The following IPCEF1 variants were observed in gnomAD, a reference collection of about 807,000 sequenced individuals.
The protein encoded by IPCEF1 is interaction protein for cytohesin exchange factors 1.
Under a neutral mutation model 50.9 loss-of-function variants are expected in IPCEF1, and 31 were observed. The observed-to-expected ratio is 0.61, with a 90% confidence interval of 0.46 to 0.82. The LOEUF is 0.82. Ranked by LOEUF, IPCEF1 falls within the 40% of genes least tolerant of loss-of-function variation. IPCEF1 has a pLI of 0.00. For synonymous variants in IPCEF1, 181 were observed against 192.0 expected, an observed-to-expected ratio of 0.94 and a Z score of 0.47; for missense variants, 458 against 514.0, an observed-to-expected ratio of 0.89 and a Z score of 1.05.
chr6:154,174,744 T>C (rs1385202532), intron 10 of IPCEF1, among the ~76,000 whole-genome samples: 1 of 152,072 alleles, frequency 6.6e-6, no homozygotes, highest in East Asian at 1.9e-4. Flanking sequence ...CACCCCACTG[T>C]CAATATTAGA....
chr6:154,303,248 C>T (rs1583967392), intron 1 of IPCEF1, among the ~76,000 whole-genome samples: 1 of 152,030 alleles, frequency 6.6e-6, no homozygotes, highest in Non-Finnish European at 1.5e-5. Flanking sequence ...CATACCACCA[C>T]GCCCGGGTAA....
intron 1 of IPCEF1, among the ~76,000 whole-genome samples, chr6:154,307,071 T>C (rs1255810809): frequency 2.6e-5 from 4 of 152,126 alleles, no homozygotes; most frequent in East Asian, 3.9e-4. Context: ...TTAGGGCCCA[T>C]ACTAATGACC....
intron 6 of IPCEF1, among the ~76,000 whole-genome samples, chr6:154,222,552 A>G (rs1362383159): frequency 6.6e-6 from 1 of 152,248 alleles, no homozygotes; most frequent in Admixed American, 6.5e-5. Flanking sequence ...ATGAGAGTCT[A>G]TAGATACCTG....
intron 1 of IPCEF1, among the ~76,000 whole-genome samples, chr6:154,353,790 T>C (rs865783481): frequency 1.8e-4 from 28 of 152,368 alleles, no homozygotes; most frequent in Non-Finnish European, 1.0e-4. Context: ...TTTTACATAG[T>C]TGAAAAAGTT....
intron 5 of IPCEF1, among the ~76,000 whole-genome samples, chr6:154,231,750 A>C (rs1276469358): frequency 6.6e-6 from 1 of 152,262 alleles, no homozygotes; most frequent in East Asian, 1.9e-4. Flanking sequence ...AAGAGGATAG[A>C]GAACAGAGAT....
At chr6:154,347,384 A>G (rs1459150200) in intron 1 of IPCEF1, among the ~76,000 whole-genome samples, 1 of 152,192 alleles carries the variant, frequency 6.6e-6, no homozygotes, top group Non-Finnish European at 1.5e-5. Context: ...AGTTCCCTGA[A>G]CCTGTGTTTT....
intron 6 of IPCEF1, 103 bp downstream of exon 6, chr6:154,223,067 G>C: frequency 1.1e-6 from 1 of 895,268 alleles, no homozygotes; most frequent in South Asian, 1.4e-5. Context: ...CAGACATTCC[G>C]ATGTTACCTT....
chr6:154,355,533 G>A (rs1046301527), intron 1 of IPCEF1, among the ~76,000 whole-genome samples: 1 of 149,938 alleles, frequency 6.7e-6, no homozygotes, highest in African/African-American at 2.5e-5. Context: ...CTGTCACCCA[G>A]GCTGAAGTGC....
chr6:154,331,133 G>A (rs1395712795), intron 1 of IPCEF1, among the ~76,000 whole-genome samples: 4 of 152,022 alleles, frequency 2.6e-5, no homozygotes, highest in African/African-American at 9.7e-5. Flanking sequence ...CAGGTATGGT[G>A]GCATGTGCCT....
chr6:154,275,348 A>G (rs1316778911), intron 2 of IPCEF1, among the ~76,000 whole-genome samples: 2 of 152,200 alleles, frequency 1.3e-5, no homozygotes, highest in Non-Finnish European at 2.9e-5. Context: ...ACAAGGTATC[A>G]ATTATGAGGC....
chr6:154,206,114 T>A (rs1202603604), intron 9 of IPCEF1, among the ~76,000 whole-genome samples: 6 of 152,162 alleles, frequency 3.9e-5, no homozygotes, highest in African/African-American at 1.4e-4. Context: ...TACACAAAAA[T>A]ATTTATCAGC....
chr6:154,248,723 T>A (rs879764733), intron 3 of IPCEF1, among the ~76,000 whole-genome samples: 2 of 152,094 alleles, frequency 1.3e-5, no homozygotes, highest in African/African-American at 2.4e-5. Context: ...AAAATAGCAC[T>A]CTCTGAATCT....
intron 1 of IPCEF1, among the ~76,000 whole-genome samples, chr6:154,331,352 G>A (rs546037192): frequency 7.7e-5 from 6 of 78,408 alleles, no homozygotes; most frequent in South Asian, 1.1e-3. Flanking sequence ...GAAGGGGAAG[G>A]AAAGAGAAAG....
At chr6:154,313,844 G>A (rs1293925) in intron 1 of IPCEF1, among the ~76,000 whole-genome samples, 117,507 of 151,894 alleles carry the variant, frequency 0.77, 45,809 homozygotes, top group East Asian at 0.89. Flanking sequence ...ACAGGACTCA[G>A]GCAATCCTCC....
At chr6:154,333,609 A>T (rs1386545320) in intron 1 of IPCEF1, among the ~76,000 whole-genome samples, 1 of 145,108 alleles carries the variant, frequency 6.9e-6, no homozygotes, top group Admixed American at 6.8e-5. Context: ...TATGTATACA[A>T]GTATACATAT....
chr6:154,341,576 A>G lies in IPCEF1; in HGVS notation c.-62+15096T>C, dbSNP rs566873789. On this transcript the variant is annotated intron_variant, in intron 1 of 11. Transcript: ENST00000367220. ...ACACGCAGGAAGTTTGCCAGGCTAA[A>G]TCAGTTCCGGATCTTTTAATAGAGT... is the stretch of plus-strand genomic sequence containing the variant. Among the ~76,000 whole-genome samples the G allele has an allele frequency of 5.3e-5, 8 of 152,306 alleles. No homozygotes were observed. The South Asian group carries it at 1.7e-3, about 32-fold the overall frequency.
Position 154,173,715 on chromosome 6 carries a change from C to T in IPCEF1, c.911-5602G>A, listed in dbSNP as rs530176891. Among the ~76,000 whole-genome samples, 9 of 152,230 alleles carry T rather than the reference C, an allele frequency of 5.9e-5. No individual in the cohort carries two copies. The South Asian group carries it at 8.3e-4, about 14-fold the overall frequency. On this transcript the variant is annotated intron_variant, in intron 10 of 11. Transcript: ENST00000367220. ...ATTTGATTGGTGTAACTGAAAGTGACGGGGAGAATGGGACCAAATTGGAAA... is the reference window on the plus strand; with the variant it reads ...ATTTGATTGGTGTAACTGAAAGTGATGGGGAGAATGGGACCAAATTGGAAA...
intron 1 of IPCEF1, among the ~76,000 whole-genome samples, chr6:154,352,748 G>A (rs1483658226): frequency 6.6e-6 from 1 of 152,190 alleles, no homozygotes; most frequent in Non-Finnish European, 1.5e-5. Context: ...TGAGACGGCA[G>A]GGCCAAGATT....
chr6:154,187,327 TATC>T (rs1259555997), intron 10 of IPCEF1, among the ~76,000 whole-genome samples: 1 of 152,178 alleles, frequency 6.6e-6, no homozygotes, highest in Non-Finnish European at 1.5e-5. Context: ...CCACCGAATC[TATC>T]ATACGTGCTG....
Sources: allele counts gnomAD v4.1 joint callset (sites outside exome capture counted in the v4.1 genomes callset), GRCh38; gene constraint gnomAD v4.1.1; transcripts MANE v1.5; gene names NCBI Gene and HGNC (gene_info 2026-07-23, HGNC 2026-07-21).